The following NDUFAF1 variants were observed in gnomAD, a reference collection of about 807,000 sequenced individuals.
The protein encoded by NDUFAF1 is NADH:ubiquinone oxidoreductase complex assembly factor 1.
A neutral mutation model predicts 28.7 loss-of-function variants in NDUFAF1; 18 were observed. That is an observed-to-expected ratio of 0.63 (90% CI 0.43 to 0.93). The LOEUF (loss-of-function observed/expected upper bound fraction) is 0.93. Among genes scored for constraint, NDUFAF1 ranks in the 40% least tolerant of loss-of-function variants. The pLI, the probability that NDUFAF1 is intolerant of heterozygous loss-of-function variation, is 0.00. For missense variants in NDUFAF1, 404 were observed against 398.3 expected (o/e 1.01, Z -0.12); for synonymous variants, 113 against 139.7 (o/e 0.81, Z 1.35).
Position 41,397,038 on chromosome 15 carries a change from G to T in NDUFAF1, c.22C>A (p.Leu8Met), listed in dbSNP as rs748667954. The change falls in exon 2 of 5, where the codon CTG becomes ATG. Residue 8 changes from leucine to methionine, a missense_variant. Physicochemically the swap from Leu to Met is conservative, Grantham distance 15. Transcript: ENST00000260361. MALVHKL[L>M]RGTYFLRKFS... ...TTTCTGAGAAAATAAGTACCACGCA[G>T]CAATTTGTGAACCAAAGCCATGGTA... The T allele has an allele frequency of 6.2e-7, 1 of 1,613,352 alleles. No homozygotes were observed. The highest frequency in any genetic ancestry group is 1.1e-5 in the South Asian group (1 of 90,990).
At chr15:41,388,398 A>C (rs765113176) in intron 4 of NDUFAF1, 50 bp downstream of exon 4, 29 of 1,401,826 alleles carry the variant, frequency 2.1e-5, no homozygotes, top group Non-Finnish European at 2.8e-5. Flanking sequence ...CAGAGTTCCG[A>C]TTCATTAAAA....
rs1170811324 is a variant in NDUFAF1, at chr15:41,394,375, G to A, written c.759+484C>T. On this transcript the variant is annotated intron_variant, in intron 3 of 4. Transcript: ENST00000260361. ...CAGAGTTGCCTGGAAGACATGAAAT[G>A]GCAGAAACTTCTAAAAAACAAACAA... 7.0e-6 allele frequency: 9 copies of A among 1,288,692 alleles called. No individual in the cohort carries two copies. In the Admixed American group the frequency reaches 1.4e-4, roughly 20 times the overall value. 79.8% of individuals were successfully genotyped at this position (1,288,692 alleles called of 1,614,324 possible).
chr15:41,396,921 CAGG>C lies in NDUFAF1; in HGVS notation c.136_138del (p.Pro46del). On this transcript the variant is annotated inframe_deletion, in exon 2 of 5. Transcript: ENST00000260361. ...GTCTTCCTCTGTGAGGAGGCTTTGC[CAGG>C]AGAAGCCACTGGTTTCTGAAGACTA... 6.2e-7 allele frequency: 1 copy of C among 1,613,766 alleles called. No individual in the cohort carries two copies. The highest frequency in any genetic ancestry group is 8.5e-7 in the Non-Finnish European group (1 of 1,179,940).
chr15:41,388,567 T>G (rs2140908266), intron 3 of NDUFAF1, 45 bp from the exon 4 acceptor site: 1 of 1,191,024 alleles, frequency 8.4e-7, no homozygotes, highest in East Asian at 2.3e-5. Flanking sequence ...TGTAAGCAAT[T>G]GAGGCATCTG....
In NDUFAF1 at chr15:41,388,498, A is replaced by T; in HGVS notation, c.784T>A (p.Ser262Thr). 6.2e-7 allele frequency: 1 copy of T among 1,612,940 alleles called. No homozygotes were observed. Among genetic ancestry groups the T allele is most frequent in the Non-Finnish European group, 8.5e-7 (1 of 1,178,932 alleles). The change falls in exon 4 of 5, where the codon TCT becomes ACT. Residue 262 changes from serine (S) to threonine (T), a missense_variant. Transcript: ENST00000260361. The part of the protein sequence containing the change: ...VKIPFSKFFF[S>T]NRGRIRDVQH... ...ACATCCCGGATTCTTCCTCGATTAG[A>T]GAAGAAAAATTTGGAAAAAGGAATC...
chr15:41,402,341 C>G lies in NDUFAF1; in HGVS notation c.-279G>C, dbSNP rs1269615341. On this transcript the variant is annotated 5_prime_UTR_variant, in exon 1 of 5. Transcript: ENST00000260361. Reference sequence around the variant, plus strand: ...GCACTCACGGCCTGGCCTCCGGAGGCTAGACGGTTCGCCGCGCTGGGGAGG... The same window carrying G: ...GCACTCACGGCCTGGCCTCCGGAGGGTAGACGGTTCGCCGCGCTGGGGAGG... 1.1e-5 allele frequency: 5 copies of G among 454,006 alleles called. No individual in the cohort carries two copies. In the East Asian group the frequency reaches 2.1e-4, roughly 19 times the overall value. 28.1% of individuals were successfully genotyped at this position (454,006 alleles called of 1,614,324 possible).
rs375383799 is a variant in NDUFAF1, at chr15:41,397,716, G to A, written c.-81-576C>T. Among the ~76,000 whole-genome samples the A allele has an allele frequency of 9.2e-4, 138 of 149,748 alleles. 2 individuals carry two copies. Among genetic ancestry groups the A allele is most frequent in the African/African-American group, 2.8e-3 (112 of 40,272 alleles). On this transcript the variant is annotated intron_variant, in intron 1 of 4. Coordinates refer to ENST00000260361, the MANE Select transcript of NDUFAF1 (RefSeq NM_016013.4). The stretch of plus-strand genomic sequence containing the variant: ...GGGGAGGCTGAAGCAGGAGAATAGC[G>A]TCAACCCAGGAGGCAGAGCTTGCAG...
rs757714372 is a variant in NDUFAF1 at position 41,402,430 on chromosome 15, G to C, written c.-368C>G. On this transcript the variant is annotated 5_prime_UTR_variant, in exon 1 of 5. Transcript: ENST00000260361. Reference sequence around the variant, plus strand: ...CCACACCCGGGACACACCAACCGCCGGCCTGCCGCCGCTTACCTCCCCGAG... The same window carrying C: ...CCACACCCGGGACACACCAACCGCCCGCCTGCCGCCGCTTACCTCCCCGAG... The C allele has an allele frequency of 3.4e-5, 15 of 435,370 alleles. No individual in the cohort carries two copies. Among genetic ancestry groups the C allele is most frequent in the Admixed American group, 2.5e-4 (10 of 40,800 alleles). The allele number at this position is 435,370 out of a possible 1,614,324, so 27.0% of individuals were successfully genotyped here.
intron 1 of NDUFAF1, among the ~76,000 whole-genome samples, chr15:41,398,289 C>T (rs966093599): frequency 6.6e-6 from 1 of 150,616 alleles, no homozygotes. Flanking sequence ...GTAAGGAGTT[C>T]GAGACCAGCC....
Position 41,396,836 on chromosome 15 carries a change from T to G in NDUFAF1, c.224A>C (p.Glu75Ala), listed in dbSNP as rs747558982. 10 of 1,614,162 alleles carry G rather than the reference T, an allele frequency of 6.2e-6. No homozygotes were observed. Among genetic ancestry groups the G allele is most frequent in the East Asian group, 2.2e-5 (1 of 44,878 alleles). ...KEVALDITSS[E>A]EKPDVSFDKA... The stretch of plus-strand genomic sequence containing the variant: ...ATCGAAACTAACATCAGGCTTCTCC[T>G]CAGAAGAAGTTATATCCAAAGCAAC... The change falls in exon 2 of 5, where the codon GAG (glutamate) becomes GCG (alanine). Residue 75 changes from glutamate to alanine, a missense_variant. Physicochemically the swap from Glu to Ala is moderately radical, Grantham distance 107. Transcript: ENST00000260361.
At chr15:41,400,412 G>A (rs892349474) in intron 1 of NDUFAF1, among the ~76,000 whole-genome samples, 2 of 150,256 alleles carry the variant, frequency 1.3e-5, no homozygotes, top group African/African-American at 4.9e-5. Context: ...TTGTTATGTT[G>A]CTCAGACGAG....
intron 1 of NDUFAF1, 138 bp downstream of exon 1, chr15:41,402,006 A>AT (rs200152538): frequency 0.02 from 4,889 of 244,404 alleles, 1 homozygote; most frequent in Middle Eastern, 0.048. Flanking sequence ...GCTTTGTTTC[A>AT]TTTTTTTTTT....
chr15:41,392,884 A>T (rs2050332230), intron 3 of NDUFAF1, among the ~76,000 whole-genome samples: 1 of 152,152 alleles, frequency 6.6e-6, no homozygotes, highest in African/African-American at 2.4e-5. Context: ...CTGTGGAGCC[A>T]GGATTTTAGT....
chr15:41,389,271 T>G (rs1595629909), intron 3 of NDUFAF1, among the ~76,000 whole-genome samples: 1 of 129,130 alleles, frequency 7.7e-6, no homozygotes, highest in Non-Finnish European at 1.7e-5. Context: ...TTTTTTTTTT[T>G]GGTAGAGACG....
chr15:41,390,371 T>C (rs1353871213), intron 3 of NDUFAF1, among the ~76,000 whole-genome samples: 1 of 152,150 alleles, frequency 6.6e-6, no homozygotes, highest in African/African-American at 2.4e-5. Context: ...GTATATATGT[T>C]ATAAAACACC....
intron 1 of NDUFAF1, among the ~76,000 whole-genome samples, chr15:41,399,903 G>A (rs547904118): frequency 2.8e-4 from 41 of 146,746 alleles, no homozygotes; most frequent in Non-Finnish European, 3.9e-4. Context: ...GCTGGGTGTG[G>A]TGACGGGCAC....
intron 1 of NDUFAF1, among the ~76,000 whole-genome samples, chr15:41,400,570 T>G (rs1218001531): frequency 6.6e-6 from 1 of 151,336 alleles, no homozygotes; most frequent in African/African-American, 2.4e-5. Context: ...TCACCCAGGC[T>G]GGAGTGCAGT....
chr15:41,389,673 T>C (rs2050294314), intron 3 of NDUFAF1, among the ~76,000 whole-genome samples: 1 of 152,008 alleles, frequency 6.6e-6, no homozygotes. Flanking sequence ...TTCAGGAGGC[T>C]AAGGTGGGAG....
rs1566820067 is a variant in NDUFAF1 at position 41,387,604 on chromosome 15, A to AAT, written c.835-13_835-12dup. 6.3e-7 allele frequency: 1 copy of AAT among 1,595,920 alleles called. No individual in the cohort carries two copies. Among genetic ancestry groups the AAT allele is most frequent in the South Asian group, 1.1e-5 (1 of 90,636 alleles). ...TCCTATAGAAGAGATCTAAATTTAA[A>AAT]ATACAGAAATTGATTAAAATCTCAT... On this transcript the variant is annotated splice_polypyrimidine_tract_variant and intron_variant, in intron 4 of 4. Transcript: ENST00000260361.
Sources: gnomAD v4.1 joint callset for allele counts (sites outside exome capture counted in the v4.1 genomes callset) on GRCh38, gnomAD v4.1.1 for gene constraint, MANE v1.5 for transcripts, NCBI Gene and HGNC (gene_info 2026-07-23, HGNC 2026-07-21) for gene names.